Variants in CHST9 observed in about 807,000 individuals in gnomAD.
CHST9 encodes the protein GalNAc-4-sulfotransferase 2.
A neutral mutation model predicts 44.4 loss-of-function variants in CHST9; 41 were observed. The observed-to-expected ratio is 0.92, with a 90% CI of 0.72 to 1.20. The LOEUF (loss-of-function observed/expected upper bound fraction) is 1.20, where lower values mean the gene tolerates loss of function less well. CHST9 is among the 50% of genes most tolerant of loss of function. The pLI, the probability that CHST9 is intolerant of heterozygous loss-of-function variation, is 0.00. For synonymous variants in CHST9, 171 were observed against 178.4 expected, an observed-to-expected ratio of 0.96 and a Z score of 0.33; for missense variants, 504 against 516.5, an observed-to-expected ratio of 0.98 and a Z score of 0.23.
At chr18:27,175,801 T>C (rs2058863798) in intron 1 of CHST9, among the ~76,000 whole-genome samples, 1 of 151,986 alleles carries the variant, frequency 6.6e-6, no homozygotes, top group South Asian at 2.1e-4. Context: ...ACAAGGACCA[T>C]CAAAACCAGA....
intron 5 of CHST9, among the ~76,000 whole-genome samples, chr18:26,917,956 A>G (rs2055568870): frequency 6.6e-6 from 1 of 152,146 alleles, no homozygotes; most frequent in Admixed American, 6.6e-5. Flanking sequence ...ATCATAGTAT[A>G]CAATCTCATT....
At chr18:27,148,592 CT>C (rs1226381598) in intron 1 of CHST9, among the ~76,000 whole-genome samples, 14 of 147,714 alleles carry the variant, frequency 9.5e-5, no homozygotes, top group African/African-American at 1.7e-4. Context: ...TGAACTCATC[CT>C]TTTTTATGGC....
chr18:26,974,927 G>A (rs371917115), intron 4 of CHST9, among the ~76,000 whole-genome samples: 1 of 152,104 alleles, frequency 6.6e-6, no homozygotes, highest in Admixed American at 6.5e-5. Context: ...CACCTGCCTC[G>A]GACTTCCAAA....
At chr18:26,944,752 G>C (rs2145118030) in intron 4 of CHST9, among the ~76,000 whole-genome samples, 1 of 152,246 alleles carries the variant, frequency 6.6e-6, no homozygotes, top group Non-Finnish European at 1.5e-5. Flanking sequence ...TGAGCTCAGG[G>C]AACCCTGAGA....
At chr18:27,052,312 G>GTA (rs1377539988) in intron 2 of CHST9, among the ~76,000 whole-genome samples, 5 of 143,798 alleles carry the variant, frequency 3.5e-5, no homozygotes, top group Non-Finnish European at 1.5e-5. Flanking sequence ...ATATATGTGT[G>GTA]TATATATATG....
chr18:27,099,523 CAAAT>C (rs2058150175), intron 2 of CHST9, among the ~76,000 whole-genome samples: 1 of 151,622 alleles, frequency 6.6e-6, no homozygotes, highest in Non-Finnish European at 1.5e-5. Flanking sequence ...AAACAAAAAA[CAAAT>C]AATCCCACTG....
intron 4 of CHST9, among the ~76,000 whole-genome samples, chr18:27,005,025 GAAGA>G (rs1417420722): frequency 6.6e-6 from 1 of 152,134 alleles, no homozygotes; most frequent in Non-Finnish European, 1.5e-5. Flanking sequence ...GCACAGACAT[GAAGA>G]ATGACAGGCT....
intron 4 of CHST9, among the ~76,000 whole-genome samples, chr18:26,978,579 T>A (rs1244460705): frequency 1.3e-5 from 2 of 152,150 alleles, no homozygotes; most frequent in African/African-American, 4.8e-5. Flanking sequence ...GTGTCTATCA[T>A]GTGAGTTTTG....
At chr18:27,156,149 T>C (rs1225965377) in intron 1 of CHST9, among the ~76,000 whole-genome samples, 1 of 132,740 alleles carries the variant, frequency 7.5e-6, no homozygotes, top group African/African-American at 2.8e-5. Context: ...GGGTTAACTA[T>C]GAAATATGGC....
At chr18:27,145,107 C>A (rs374837957) in intron 1 of CHST9, among the ~76,000 whole-genome samples, 1 of 151,900 alleles carries the variant, frequency 6.6e-6, no homozygotes, top group South Asian at 2.1e-4. Flanking sequence ...GAAAAAAAAA[C>A]CCACCAAATA....
chr18:26,936,842 GT>G lies in CHST9; in HGVS notation c.240+7486del, dbSNP rs374436873. ...CTATTGGGTGTTAGCATCTTAGGTG[GT>G]GTGGTTAATGCTAATTTACATTAAA... On this transcript the variant is annotated intron_variant, in intron 5 of 5. Transcript: ENST00000618847. Among the ~76,000 whole-genome samples, 472 of 152,264 alleles carry G rather than the reference GT, an allele frequency of 3.1e-3. 4 individuals are homozygous for G. Among genetic ancestry groups the G allele is most frequent in the African/African-American group, 0.011 (442 of 41,558 alleles).
At chr18:27,153,797 A>G (rs143058202) in intron 1 of CHST9, among the ~76,000 whole-genome samples, 2 of 152,152 alleles carry the variant, frequency 1.3e-5, no homozygotes, top group African/African-American at 4.8e-5. Flanking sequence ...CAGGTGACTC[A>G]GGGCTTCCCA....
intron 5 of CHST9, among the ~76,000 whole-genome samples, chr18:26,942,294 A>G (rs1358185701): frequency 6.6e-6 from 1 of 152,118 alleles, no homozygotes; most frequent in Non-Finnish European, 1.5e-5. Flanking sequence ...TACTTGGGAG[A>G]AGAATGAATA....
chr18:26,981,799 C>T (rs1488080036), intron 4 of CHST9, among the ~76,000 whole-genome samples: 2 of 152,140 alleles, frequency 1.3e-5, no homozygotes, highest in Non-Finnish European at 2.9e-5. Context: ...TGACAAGTCC[C>T]CTATCTTTGT....
chr18:27,131,568 C>CA (rs1296874833), intron 2 of CHST9, among the ~76,000 whole-genome samples: 2 of 151,790 alleles, frequency 1.3e-5, no homozygotes, highest in African/African-American at 2.4e-5. Flanking sequence ...CAAAACAGAA[C>CA]AAAAAAACAA....
At chr18:26,952,100 C>T (rs1474129547) in intron 4 of CHST9, 2 of 422,606 alleles carry the variant, frequency 4.7e-6, no homozygotes, top group Admixed American at 2.8e-5. Flanking sequence ...AATACTCGAA[C>T]AGCAAAGAGG....
intron 2 of CHST9, among the ~76,000 whole-genome samples, chr18:27,140,251 C>T (rs949912313): frequency 2.6e-5 from 4 of 152,262 alleles, no homozygotes; most frequent in African/African-American, 4.8e-5. Flanking sequence ...GCCTTGGATA[C>T]GCCCCTTATC....
intron 2 of CHST9, among the ~76,000 whole-genome samples, chr18:27,100,651 TA>T (rs1209836365): frequency 6.6e-6 from 1 of 152,006 alleles, no homozygotes; most frequent in African/African-American, 2.4e-5. Flanking sequence ...CATGTGTAAA[TA>T]AAAAATAAGT....
At chr18:27,145,349 T>C (rs2058603366) in intron 1 of CHST9, among the ~76,000 whole-genome samples, 1 of 152,096 alleles carries the variant, frequency 6.6e-6, no homozygotes, top group Non-Finnish European at 1.5e-5. Flanking sequence ...CACACCCGAC[T>C]AATTTTTGTA....
Sources: allele counts gnomAD v4.1 joint callset (sites outside exome capture counted in the v4.1 genomes callset), GRCh38; gene constraint gnomAD v4.1.1; transcripts MANE v1.5; gene names NCBI Gene and HGNC (gene_info 2026-07-23, HGNC 2026-07-21).